The following INPP4B variants were observed in gnomAD, a reference collection of about 807,000 sequenced individuals.
INPP4B encodes the protein inositol polyphosphate 4-phosphatase type II.
A neutral mutation model predicts 122.5 loss-of-function variants in INPP4B; 55 were observed. The observed-to-expected ratio is 0.45, with a 90% CI of 0.36 to 0.56. The LOEUF is 0.56. Among genes scored for constraint, INPP4B ranks in the 20% least tolerant of loss-of-function variants. INPP4B has a pLI of 0.00. For synonymous variants in INPP4B, 403 were observed against 388.7 expected (o/e 1.04, Z -0.43); for missense variants, 1,000 against 1,097.7 (o/e 0.91, Z 1.26).
At chr4:142,722,387 G>A (rs1042056523) in intron 2 of INPP4B, among the ~76,000 whole-genome samples, 1 of 152,172 alleles carries the variant, frequency 6.6e-6, no homozygotes, top group Non-Finnish European at 1.5e-5. Flanking sequence ...GTGGTGTTAA[G>A]AGAGACATAA....
chr4:142,782,345 G>C (rs868553874), intron 1 of INPP4B, among the ~76,000 whole-genome samples: 181 of 150,264 alleles, frequency 1.2e-3, no homozygotes, highest in African/African-American at 4.2e-3. Context: ...GTATTCCATG[G>C]TGTATATGTG....
chr4:142,409,418 G>T (rs147660274), intron 5 of INPP4B, among the ~76,000 whole-genome samples: 1 of 151,978 alleles, frequency 6.6e-6, no homozygotes, highest in South Asian at 2.1e-4. Flanking sequence ...GCTTGAACCC[G>T]GGAAGCGGAG....
intron 2 of INPP4B, among the ~76,000 whole-genome samples, chr4:142,659,233 A>G (rs1253482057): frequency 9.4e-6 from 1 of 106,192 alleles, no homozygotes; most frequent in Admixed American, 1.1e-4. Flanking sequence ...CCCCGCCTCT[A>G]CTAAAAATAC....
chr4:142,432,584 G>A (rs1040257058), intron 3 of INPP4B, among the ~76,000 whole-genome samples: 4 of 152,084 alleles, frequency 2.6e-5, no homozygotes, highest in African/African-American at 9.7e-5. Context: ...CAGCGATCAT[G>A]CTTCCTAATT....
chr4:142,277,839 A>G (rs903528393), intron 9 of INPP4B, among the ~76,000 whole-genome samples: 1 of 151,934 alleles, frequency 6.6e-6, no homozygotes, highest in Non-Finnish European at 1.5e-5. Flanking sequence ...GTTCTCACTA[A>G]TAGGTGGGAG....
At chr4:142,470,547 T>C (rs1254618779) in intron 2 of INPP4B, among the ~76,000 whole-genome samples, 2 of 152,204 alleles carry the variant, frequency 1.3e-5, no homozygotes, top group Non-Finnish European at 2.9e-5. Flanking sequence ...CCATATGTGG[T>C]TAGCACAAGA....
chr4:142,496,558 G>T (rs1280786079), intron 2 of INPP4B, among the ~76,000 whole-genome samples: 1 of 151,988 alleles, frequency 6.6e-6, no homozygotes, highest in East Asian at 1.9e-4. Flanking sequence ...CTTTCCATTT[G>T]TATGTATTCC....
intron 25 of INPP4B, among the ~76,000 whole-genome samples, chr4:142,047,436 G>T (rs1327669218): frequency 2.0e-5 from 3 of 151,952 alleles, no homozygotes; most frequent in Non-Finnish European, 4.4e-5. Context: ...CTGCTAAATT[G>T]CTCAAAGCTT....
intron 12 of INPP4B, among the ~76,000 whole-genome samples, chr4:142,221,913 G>C (rs1413482663): frequency 2.0e-5 from 3 of 152,122 alleles, no homozygotes; most frequent in African/African-American, 7.2e-5. Flanking sequence ...AAGTCAATGA[G>C]GTCCTTTCCT....
intron 14 of INPP4B, among the ~76,000 whole-genome samples, chr4:142,193,676 A>C (rs994183236): frequency 6.6e-6 from 1 of 152,200 alleles, no homozygotes; most frequent in African/African-American, 2.4e-5. Flanking sequence ...AAAAATCTAT[A>C]CAGAGTACTT....
At chr4:142,048,025 T>C (rs1752497817) in intron 25 of INPP4B, among the ~76,000 whole-genome samples, 1 of 151,454 alleles carries the variant, frequency 6.6e-6, no homozygotes, top group African/African-American at 2.4e-5. Context: ...AAGCACTGAC[T>C]ATTTCACAAA....
chr4:142,366,160 C>A (rs1283082276), intron 7 of INPP4B, among the ~76,000 whole-genome samples: 1 of 152,026 alleles, frequency 6.6e-6, no homozygotes, highest in African/African-American at 2.4e-5. Flanking sequence ...TAATTCTCCC[C>A]ACACTTCAGA....
intron 2 of INPP4B, among the ~76,000 whole-genome samples, chr4:142,540,286 C>T (rs1165127908): frequency 6.6e-6 from 1 of 151,076 alleles, no homozygotes; most frequent in East Asian, 1.9e-4. Context: ...ATTTAATCTC[C>T]AAATAGTATG....
chr4:142,828,560 A>T (rs1270994814), intron 1 of INPP4B, among the ~76,000 whole-genome samples: 1 of 152,216 alleles, frequency 6.6e-6, no homozygotes, highest in Non-Finnish European at 1.5e-5. Flanking sequence ...AAAAAAATGC[A>T]AATCCTTGTT....
At chr4:142,549,721 T>G (rs893292974) in intron 2 of INPP4B, among the ~76,000 whole-genome samples, 1 of 152,146 alleles carries the variant, frequency 6.6e-6, no homozygotes, top group Non-Finnish European at 1.5e-5. Flanking sequence ...CACAGGGGTG[T>G]CATTGAGATC....
At chr4:142,633,576 G>C (rs1438165367) in intron 2 of INPP4B, among the ~76,000 whole-genome samples, 1 of 152,062 alleles carries the variant, frequency 6.6e-6, no homozygotes. Flanking sequence ...GATTGTTGGA[G>C]AATTTATATT....
At chr4:142,756,365 G>T (rs1043219513) in intron 1 of INPP4B, among the ~76,000 whole-genome samples, 28 of 152,038 alleles carry the variant, frequency 1.8e-4, no homozygotes, top group African/African-American at 6.5e-4. Context: ...TGGGATTCTT[G>T]CTAGGTAAGA....
At chr4:142,826,541 A>G (rs911245963) in intron 1 of INPP4B, among the ~76,000 whole-genome samples, 2 of 151,928 alleles carry the variant, frequency 1.3e-5, no homozygotes, top group Non-Finnish European at 2.9e-5. Flanking sequence ...GCTAACAAAC[A>G]AAACTTTCCC....
chr4:142,555,396 A>G (rs1362511204), intron 2 of INPP4B, among the ~76,000 whole-genome samples: 1 of 152,210 alleles, frequency 6.6e-6, no homozygotes, highest in Non-Finnish European at 1.5e-5. Flanking sequence ...ATTGGAGAAA[A>G]GAGGCAAACA....
Sources: gnomAD v4.1 joint callset for allele counts (sites outside exome capture counted in the v4.1 genomes callset) on GRCh38, gnomAD v4.1.1 for gene constraint, MANE v1.5 for transcripts, NCBI Gene and HGNC (gene_info 2026-07-23, HGNC 2026-07-21) for gene names.